Variants in WNT7B observed in about 807,000 individuals in gnomAD.
WNT7B encodes the protein protein Wnt-7b.
Under a neutral mutation model 38.2 loss-of-function variants are expected in WNT7B, and 19 were observed. That is an observed-to-expected ratio of 0.50 (90% CI 0.35 to 0.73). WNT7B has a LOEUF of 0.73. Among genes scored for constraint, WNT7B ranks in the 30% least tolerant of loss-of-function variants. The pLI is 0.01. For synonymous variants in WNT7B, 243 were observed against 209.3 expected, an observed-to-expected ratio of 1.16 and a Z score of -1.39; for missense variants, 423 against 507.9, an observed-to-expected ratio of 0.83 and a Z score of 1.61.
At chr22:45,971,653 C>T (rs1318760118) in intron 1 of WNT7B, among the ~76,000 whole-genome samples, 1 of 152,230 alleles carries the variant, frequency 6.6e-6, no homozygotes, top group African/African-American at 2.4e-5. Context: ...GCAGCGACTT[C>T]GGGGTACAGT....
At chr22:45,926,750 T>G in intron 3 of WNT7B, 1 of 985,414 alleles carries the variant, frequency 1.0e-6, no homozygotes, top group Non-Finnish European at 1.2e-6. Flanking sequence ...AGCACACGTC[T>G]GCTTCACCCT....
At chr22:45,925,237 G>A (rs1931047801) in intron 3 of WNT7B, 7 of 984,492 alleles carry the variant, frequency 7.1e-6, no homozygotes, top group African/African-American at 1.8e-5. Context: ...CATCAGGTGG[G>A]TGCTGTGTGG....
rs78849482 is a variant in WNT7B, at chr22:45,933,264, C to T, written c.299-1895G>A. Among the ~76,000 whole-genome samples the T allele has an allele frequency of 4.6e-3, 706 of 152,236 alleles. 6 individuals carry two copies. The highest frequency in any genetic ancestry group is 0.016 in the African/African-American group (652 of 41,534). On this transcript the variant is annotated intron_variant, in intron 2 of 3. Coordinates refer to ENST00000339464, the MANE Select transcript of WNT7B (RefSeq NM_058238.3). ...GCATCCCTCCCTCCCCAGCAAGGTC[C>T]GAGACTGCAATGATCAGCCTCCTCT... is the stretch of plus-strand genomic sequence containing the variant.
intron 3 of WNT7B, among the ~76,000 whole-genome samples, chr22:45,929,383 C>T (rs1453566340): frequency 6.7e-6 from 1 of 149,526 alleles, no homozygotes; most frequent in Non-Finnish European, 1.5e-5. Flanking sequence ...CATCCACCCA[C>T]TCACCCATCC....
chr22:45,927,642 T>TC (rs1931131738), intron 3 of WNT7B: 3 of 778,658 alleles, frequency 3.9e-6, no homozygotes. Context: ...ACACCTGTAA[T>TC]CCAAGCACTT....
At chr22:45,932,613 C>A (rs1198264871) in intron 2 of WNT7B, among the ~76,000 whole-genome samples, 13 of 152,234 alleles carry the variant, frequency 8.5e-5, no homozygotes, top group Admixed American at 8.5e-4. Flanking sequence ...ATCCTTCCAT[C>A]CTGGCTCTGG....
In WNT7B at chr22:45,972,301, G is replaced by A. The variant is rs1250819063; in HGVS notation, c.71+4383C>T. The A allele has an allele frequency of 1.5e-5, 8 of 529,596 alleles. 1 individual carries two copies. The highest frequency in any genetic ancestry group is 2.7e-5 in the Non-Finnish European group (8 of 296,502). 32.8% of individuals were successfully genotyped at this position (529,596 alleles called of 1,614,324 possible). ...CGGGCCGGGCGCCTGGGCCAGCTGA[G>A]GCCGGGGTCCCCGCGGAGCTCCCCG... On this transcript the variant is annotated intron_variant, in intron 1 of 3. Transcript: ENST00000339464.
intron 2 of WNT7B, among the ~76,000 whole-genome samples, chr22:45,946,171 G>A (rs1312535867): frequency 1.3e-5 from 2 of 152,234 alleles, no homozygotes; most frequent in African/African-American, 4.8e-5. Flanking sequence ...AGCTTCACTG[G>A]TACTCCAGCC....
chr22:45,972,072 G>C, intron 1 of WNT7B: 2 of 525,402 alleles, frequency 3.8e-6, no homozygotes, highest in Admixed American at 7.5e-5. Context: ...CCTCGCTGCC[G>C]CGTTCCCTGC....
chr22:45,938,687 T>G (rs1293350171), intron 2 of WNT7B, among the ~76,000 whole-genome samples: 21 of 151,512 alleles, frequency 1.4e-4, no homozygotes, highest in Admixed American at 1.3e-3. Context: ...GAGTGAGGTG[T>G]AGTGTCTGAC....
intron 2 of WNT7B, among the ~76,000 whole-genome samples, chr22:45,943,874 C>T (rs372212808): frequency 2.0e-5 from 3 of 152,332 alleles, no homozygotes; most frequent in East Asian, 3.9e-4. Context: ...GCTGCTGTGC[C>T]CCTGTGAGGC....
intron 3 of WNT7B, chr22:45,927,506 G>A (rs1237284324): frequency 3.2e-6 from 5 of 1,545,576 alleles, no homozygotes; most frequent in African/African-American, 1.4e-5. Context: ...TTATTTGGAA[G>A]TAGGGCCTTT....
In WNT7B at chr22:45,927,147, T is replaced by C. The variant is rs375334059; in HGVS notation, c.571-3812A>G. ...TTGGGGGCATGGCCTCTGTCTGCCC[T>C]GCTGACCTGCCTGCCCCACGTAGCA... On this transcript the variant is annotated intron_variant, in intron 3 of 3. Coordinates refer to ENST00000339464, the MANE Select transcript of WNT7B (RefSeq NM_058238.3). The C allele has an allele frequency of 1.1e-4, 113 of 984,588 alleles. No homozygotes were observed. The East Asian group carries it at 0.011, about 93-fold the overall frequency. 61.0% of individuals were successfully genotyped at this position (984,588 alleles called of 1,614,324 possible).
At chr22:45,954,630 G>A (rs1932018893) in intron 1 of WNT7B, 3 of 985,252 alleles carry the variant, frequency 3.0e-6, no homozygotes, top group Admixed American at 6.2e-5. Context: ...TGGGTTAAAG[G>A]GGAAGTAAAG....
intron 1 of WNT7B, among the ~76,000 whole-genome samples, chr22:45,950,646 C>T (rs1454868485): frequency 6.6e-6 from 1 of 152,230 alleles, no homozygotes; most frequent in East Asian, 1.9e-4. Flanking sequence ...GGCAGCCAAG[C>T]CCATCCGGTA....
chr22:45,927,588 G>A (rs1431571736), intron 3 of WNT7B: 2 of 1,030,690 alleles, frequency 1.9e-6, no homozygotes, highest in Non-Finnish European at 3.0e-6. Flanking sequence ...AATCCAATGA[G>A]AGTGTCCATA....
intron 3 of WNT7B, among the ~76,000 whole-genome samples, chr22:45,924,781 A>C (rs1053832820): frequency 1.4e-5 from 1 of 72,780 alleles, no homozygotes; most frequent in African/African-American, 5.7e-5. Flanking sequence ...GTGCCGGGGG[A>C]CCCAAAGGCT....
At position 45,975,893 on chromosome 22, in the gene WNT7B, C is replaced by G; in HGVS notation, c.71+791G>C. On this transcript the variant is annotated intron_variant, in intron 1 of 3. Transcript: ENST00000339464. This position sits in a 1 kb window ranked among gnomAD's most constrained non-coding sequence, Gnocchi z 6.6. ...CGAGCGAAGCCGAGACAGATTCTGT[C>G]TAAAGGAGATCGCGGCTCAACAGGT... 1 of 207,468 alleles carries G rather than the reference C, an allele frequency of 4.8e-6. No individual in the cohort carries two copies. The highest frequency in any genetic ancestry group is 2.3e-5 in the African/African-American group (1 of 43,202). 12.9% of individuals were successfully genotyped at this position (207,468 alleles called of 1,614,324 possible).
chr22:45,963,301 C>T (rs945292279), intron 1 of WNT7B, among the ~76,000 whole-genome samples: 11 of 152,196 alleles, frequency 7.2e-5, no homozygotes, highest in Non-Finnish European at 1.6e-4. Context: ...GGAATGCTCC[C>T]TCCAAGAATT....
Sources: allele counts gnomAD v4.1 joint callset (sites outside exome capture counted in the v4.1 genomes callset), GRCh38; gene constraint gnomAD v4.1.1; non-coding constraint Gnocchi (gnomAD v3.1); transcripts MANE v1.5; gene names NCBI Gene and HGNC (gene_info 2026-07-23, HGNC 2026-07-21).